The following ZNF438 variants were observed in gnomAD, a reference collection of about 807,000 sequenced individuals.
ZNF438 encodes the protein zinc finger protein 438.
Under a neutral mutation model 38.0 loss-of-function variants are expected in ZNF438, and 25 were observed. The ratio of observed to expected loss-of-function variants is 0.66; its 90% CI spans 0.48 to 0.92. The LOEUF (loss-of-function observed/expected upper bound fraction) is 0.92, where lower values mean the gene tolerates loss of function less well. Ranked by LOEUF, ZNF438 falls within the 40% of genes least tolerant of loss-of-function variation. ZNF438 has a pLI of 0.00. For synonymous variants in ZNF438, 372 were observed against 364.1 expected, an observed-to-expected ratio of 1.02 and a Z score of -0.25; for missense variants, 1,007 against 999.6, an observed-to-expected ratio of 1.01 and a Z score of -0.10.
At chr10:30,898,858 G>A (rs2041668354) in intron 3 of ZNF438, among the ~76,000 whole-genome samples, 1 of 152,038 alleles carries the variant, frequency 6.6e-6, no homozygotes, top group Admixed American at 6.5e-5. Flanking sequence ...GTATCAATAA[G>A]AGGGACACCA....
exon 6 of ZNF438, chr10:30,844,911 AG>A: frequency 6.4e-7 from 1 of 1,573,672 alleles, no homozygotes; most frequent in East Asian, 2.2e-5. Context: ...GAAGCTCTGA[AG>A]GAAGGTGGCG....
At chr10:30,902,552 T>C (rs905791011) in intron 3 of ZNF438, among the ~76,000 whole-genome samples, 13 of 151,756 alleles carry the variant, frequency 8.6e-5, no homozygotes, top group South Asian at 4.2e-4. Flanking sequence ...AGAGTGCCGA[T>C]TGGTGCATTC....
chr10:30,951,889 G>GA (rs966705554), intron 1 of ZNF438, among the ~76,000 whole-genome samples: 22 of 151,568 alleles, frequency 1.5e-4, no homozygotes, highest in Admixed American at 1.3e-3. Flanking sequence ...CACAGAATTG[G>GA]AAAAAAACTA....
At chr10:30,927,013 A>G (rs956865044) in intron 2 of ZNF438, among the ~76,000 whole-genome samples, 1 of 152,216 alleles carries the variant, frequency 6.6e-6, no homozygotes, top group Non-Finnish European at 1.5e-5. Context: ...AGACTTGGGA[A>G]TTTTTGGTGT....
At chr10:30,960,008 T>G (rs1459756333) in intron 1 of ZNF438, among the ~76,000 whole-genome samples, 1 of 147,126 alleles carries the variant, frequency 6.8e-6, no homozygotes, top group Non-Finnish European at 1.5e-5. Context: ...CATTGTGTTT[T>G]TAATGTGTAT....
chr10:31,028,677 T>G (rs889263817), intron 1 of ZNF438, among the ~76,000 whole-genome samples: 4 of 152,200 alleles, frequency 2.6e-5, no homozygotes, highest in Non-Finnish European at 4.4e-5. Flanking sequence ...CACAGGTTTT[T>G]CCTCATACCC....
chr10:30,980,018 A>G (rs2051922158), intron 1 of ZNF438, among the ~76,000 whole-genome samples: 1 of 152,150 alleles, frequency 6.6e-6, no homozygotes, highest in Non-Finnish European at 1.5e-5. Context: ...AACTGGTTGG[A>G]GTGAGGGGTG....
intron 2 of ZNF438, among the ~76,000 whole-genome samples, chr10:30,916,753 T>C (rs1470010879): frequency 6.6e-6 from 1 of 152,110 alleles, no homozygotes; most frequent in African/African-American, 2.4e-5. Context: ...TGTTCCCAGC[T>C]TTCTGGAACA....
At chr10:30,853,158 G>A (rs938561488) in intron 4 of ZNF438, among the ~76,000 whole-genome samples, 3 of 152,172 alleles carry the variant, frequency 2.0e-5, no homozygotes, top group Non-Finnish European at 2.9e-5. Context: ...GTGGAAGGAA[G>A]AGAAGAGAAA....
In ZNF438 at chr10:30,954,265, G is replaced by A. The variant is rs578258392; in HGVS notation, c.-191-12614C>T. 9.2e-5 allele frequency among the ~76,000 whole-genome samples: 14 copies of A among 152,306 alleles called. 1 individual carries two copies. Among genetic ancestry groups the A allele is most frequent in the African/African-American group, 3.4e-4 (14 of 41,576 alleles). On this transcript the variant is annotated intron_variant, in intron 1 of 5. Coordinates refer to ENST00000413025, the Ensembl canonical transcript of ZNF438. ...GTTATGGATACACAAACTGATGAAA[G>A]AACTGTTTCATTTTCAAGTAGAAGT...
intron 2 of ZNF438, among the ~76,000 whole-genome samples, chr10:30,936,448 C>G (rs931825433): frequency 6.6e-6 from 1 of 151,866 alleles, no homozygotes; most frequent in Non-Finnish European, 1.5e-5. Flanking sequence ...CCAAGGCAGG[C>G]AGATCACCTG....
At chr10:30,917,877 T>C (rs533800677) in intron 2 of ZNF438, among the ~76,000 whole-genome samples, 1 of 152,192 alleles carries the variant, frequency 6.6e-6, no homozygotes, top group South Asian at 2.1e-4. Flanking sequence ...AATCTTTGCC[T>C]ACCCCCAAGT....
At chr10:30,949,251 C>T (rs1395050999) in intron 1 of ZNF438, among the ~76,000 whole-genome samples, 1 of 151,734 alleles carries the variant, frequency 6.6e-6, no homozygotes, top group Non-Finnish European at 1.5e-5. Context: ...CTGAAGGAAG[C>T]GCTAAACATG....
intron 3 of ZNF438, among the ~76,000 whole-genome samples, chr10:30,900,178 AAACT>A (rs2041820302): frequency 6.6e-6 from 1 of 152,236 alleles, no homozygotes; most frequent in African/African-American, 2.4e-5. Context: ...ATGGATACTG[AAACT>A]AAATTTTATA....
chr10:30,872,425 CAAAAAAAAAA>C (rs566401687), intron 4 of ZNF438, among the ~76,000 whole-genome samples: 1 of 58,698 alleles, frequency 1.7e-5, no homozygotes, highest in Non-Finnish European at 3.3e-5. Flanking sequence ...GACTCTGTCT[CAAAAAAAAAA>C]AAAAAAAAAA....
chr10:30,918,381 G>T, intron 2 of ZNF438, among the ~76,000 whole-genome samples: 1 of 151,976 alleles, frequency 6.6e-6, no homozygotes, highest in East Asian at 1.9e-4. Flanking sequence ...ATTTAATTGA[G>T]TTTTCCAACC....
intron 2 of ZNF438, among the ~76,000 whole-genome samples, chr10:30,927,127 C>T (rs1336764305): frequency 6.6e-6 from 1 of 152,080 alleles, no homozygotes; most frequent in Admixed American, 6.6e-5. Flanking sequence ...GAGATTTCAG[C>T]CAAGGCTGCC....
At chr10:30,933,622 A>G (rs73252635) in intron 2 of ZNF438, among the ~76,000 whole-genome samples, 1,861 of 152,242 alleles carry the variant, frequency 0.012, 44 homozygotes, top group African/African-American at 0.042. Flanking sequence ...TGTCTGTAAA[A>G]TTAATAATAA....
chr10:30,990,453 T>C (rs2053363538), intron 1 of ZNF438, among the ~76,000 whole-genome samples: 1 of 152,152 alleles, frequency 6.6e-6, no homozygotes, highest in African/African-American at 2.4e-5. Context: ...ACTCAGATAC[T>C]TGCCAGAAAT....
Sources: gnomAD v4.1 joint callset for allele counts (sites outside exome capture counted in the v4.1 genomes callset) on GRCh38, gnomAD v4.1.1 for gene constraint, MANE v1.5 for transcripts, NCBI Gene and HGNC (gene_info 2026-07-23, HGNC 2026-07-21) for gene names.